The following RUNDC3B variants were observed in gnomAD, a reference collection of about 807,000 sequenced individuals.
RUNDC3B encodes the protein RUN domain-containing protein 3B.
Under a neutral mutation model 58.4 loss-of-function variants are expected in RUNDC3B, and 33 were observed. The observed-to-expected ratio is 0.56, with a 90% CI of 0.43 to 0.75. The LOEUF is 0.75. RUNDC3B is among the 30% of genes least tolerant of loss of function. RUNDC3B has a pLI of 0.00. For synonymous variants in RUNDC3B, 193 were observed against 195.2 expected (o/e 0.99, Z 0.10); for missense variants, 501 against 535.7 (o/e 0.94, Z 0.64).
intron 1 of RUNDC3B, among the ~76,000 whole-genome samples, chr7:87,636,575 A>G (rs944832352): frequency 1.4e-4 from 22 of 152,202 alleles, no homozygotes; most frequent in Non-Finnish European, 3.1e-4. Flanking sequence ...AAAATGGCCC[A>G]TAAATTTCCT....
chr7:87,799,287 C>A (rs1043677000), intron 8 of RUNDC3B, among the ~76,000 whole-genome samples: 7 of 152,270 alleles, frequency 4.6e-5, no homozygotes, highest in East Asian at 3.9e-4. Context: ...CAACAATAAA[C>A]AGATAGCATC....
At chr7:87,692,417 A>G (rs1363256421) in intron 2 of RUNDC3B, among the ~76,000 whole-genome samples, 1 of 152,198 alleles carries the variant, frequency 6.6e-6, no homozygotes, top group Non-Finnish European at 1.5e-5. Flanking sequence ...TGAATGCATC[A>G]CTGAGCTCCA....
chr7:87,637,562 T>C (rs1203658205), intron 1 of RUNDC3B, among the ~76,000 whole-genome samples: 1 of 152,136 alleles, frequency 6.6e-6, no homozygotes, highest in Non-Finnish European at 1.5e-5. Flanking sequence ...ATAACCTATT[T>C]CTTTATATGT....
intron 8 of RUNDC3B, among the ~76,000 whole-genome samples, chr7:87,791,722 C>CA (rs1242527178): frequency 6.6e-6 from 1 of 151,258 alleles, no homozygotes; most frequent in East Asian, 1.9e-4. Context: ...AACAGATACA[C>CA]AAAAAATAAA....
intron 8 of RUNDC3B, among the ~76,000 whole-genome samples, chr7:87,788,647 A>T (rs10486999): frequency 0.14 from 21,043 of 151,224 alleles, 1,632 homozygotes; most frequent in Admixed American, 0.23. Context: ...TTGGATCAGT[A>T]TATGGAAAGT....
chr7:87,702,266 T>A (rs1004778086), intron 3 of RUNDC3B, among the ~76,000 whole-genome samples: 2 of 151,166 alleles, frequency 1.3e-5, no homozygotes, highest in African/African-American at 4.9e-5. Context: ...GGTTTATTGT[T>A]TTATTTTATT....
At chr7:87,687,593 G>C (rs1293838206) in intron 2 of RUNDC3B, among the ~76,000 whole-genome samples, 1 of 152,128 alleles carries the variant, frequency 6.6e-6, no homozygotes, top group African/African-American at 2.4e-5. Context: ...AATCTCTAGA[G>C]CAGTGCCTAC....
intron 10 of RUNDC3B, among the ~76,000 whole-genome samples, chr7:87,827,562 A>G (rs1471885211): frequency 6.6e-6 from 1 of 152,150 alleles, no homozygotes. Flanking sequence ...TTTTAAACCA[A>G]AATGCATTAA....
At chr7:87,775,730 T>C (rs1457798120) in intron 7 of RUNDC3B, among the ~76,000 whole-genome samples, 1 of 152,196 alleles carries the variant, frequency 6.6e-6, no homozygotes, top group African/African-American at 2.4e-5. Context: ...TTTAGATATA[T>C]AAATACTTGC....
At chr7:87,705,775 C>T (rs185426725) in intron 3 of RUNDC3B, among the ~76,000 whole-genome samples, 1 of 152,232 alleles carries the variant, frequency 6.6e-6, no homozygotes, top group African/African-American at 2.4e-5. Flanking sequence ...GGGTCATATG[C>T]TCTTATAAAC....
intron 4 of RUNDC3B, among the ~76,000 whole-genome samples, chr7:87,712,391 A>T (rs1209976649): frequency 6.6e-6 from 1 of 152,084 alleles, no homozygotes; most frequent in Non-Finnish European, 1.5e-5. Flanking sequence ...AAGGCTTTGA[A>T]AATGAAAACA....
chr7:87,650,859 G>T lies in RUNDC3B; in HGVS notation c.160G>T (p.Glu54Ter). 6.2e-7 allele frequency: 1 copy of T among 1,612,688 alleles called. No homozygotes were observed. Among genetic ancestry groups the T allele is most frequent in the South Asian group, 1.1e-5 (1 of 91,038 alleles). Residue 54 changes from glutamate to a stop codon, truncating the protein, a stop_gained, in exon 2 of 11, where the codon GAG becomes TAG. Coordinates refer to ENST00000394654, the MANE Select transcript of RUNDC3B (RefSeq NM_001134405.2). LOFTEE classifies it high-confidence loss of function. ...GACCCTGATTGATCGGTCTTGCTTT[G>T]AGACAATTGATGATTCTTCTCCTGA... The part of the protein sequence containing the change: ...VKTLIDRSCF[E>*]TIDDSSPEFN...
chr7:87,819,947 A>T (rs966791947), intron 10 of RUNDC3B, among the ~76,000 whole-genome samples: 12 of 152,168 alleles, frequency 7.9e-5, no homozygotes, highest in African/African-American at 2.9e-4. Flanking sequence ...AAAGATCCAA[A>T]ATTGACACCC....
intron 10 of RUNDC3B, among the ~76,000 whole-genome samples, chr7:87,823,352 G>T (rs1200198316): frequency 6.6e-6 from 1 of 151,826 alleles, no homozygotes; most frequent in Non-Finnish European, 1.5e-5. Context: ...CAAACACACT[G>T]TCTATGCAAA....
chr7:87,753,142 A>G (rs565312781), intron 6 of RUNDC3B, among the ~76,000 whole-genome samples: 39 of 151,808 alleles, frequency 2.6e-4, no homozygotes, highest in Admixed American at 7.9e-4. Flanking sequence ...CCCAGTAGTC[A>G]TTCAGGAGCA....
chr7:87,682,525 A>G (rs535301124), intron 2 of RUNDC3B, among the ~76,000 whole-genome samples: 17 of 152,326 alleles, frequency 1.1e-4, no homozygotes, highest in South Asian at 8.3e-4. Context: ...TTGTGTTAGA[A>G]GCCATGAAAA....
intron 10 of RUNDC3B, among the ~76,000 whole-genome samples, chr7:87,826,294 G>A (rs1837803120): frequency 6.6e-6 from 1 of 152,056 alleles, no homozygotes; most frequent in African/African-American, 2.4e-5. Context: ...GTTTTCAAAA[G>A]GGGAGTTTCC....
chr7:87,642,203 CTG>C (rs1192792305), intron 1 of RUNDC3B, among the ~76,000 whole-genome samples: 1 of 151,968 alleles, frequency 6.6e-6, no homozygotes, highest in Non-Finnish European at 1.5e-5. Flanking sequence ...ATTTTTAAAA[CTG>C]TGCTGTCTTG....
chr7:87,682,503 A>G (rs1827025142), intron 2 of RUNDC3B, among the ~76,000 whole-genome samples: 1 of 152,218 alleles, frequency 6.6e-6, no homozygotes, highest in Admixed American at 6.5e-5. Context: ...TCCCTGGGCT[A>G]CAGATTGGAT....
Sources: gnomAD v4.1 joint callset for allele counts (sites outside exome capture counted in the v4.1 genomes callset) on GRCh38, gnomAD v4.1.1 for gene constraint, MANE v1.5 for transcripts, NCBI Gene and HGNC (gene_info 2026-07-23, HGNC 2026-07-21) for gene names.